Variants in MLIP observed in about 807,000 individuals in gnomAD.
MLIP encodes muscular LMNA interacting protein, also known as muscular LMNA-interacting protein.
MLIP carries 79 observed loss-of-function variants against 84.8 expected under a neutral mutation model. The ratio of observed to expected loss-of-function variants is 0.93; its 90% CI spans 0.78 to 1.12. The LOEUF (loss-of-function observed/expected upper bound fraction) is 1.12. Ranked by LOEUF, MLIP falls within the 50% of genes most tolerant of loss-of-function variation. The pLI is 0.00. For synonymous variants in MLIP, 504 were observed against 463.0 expected (o/e 1.09, Z -1.14); for missense variants, 1,257 against 1,160.6 (o/e 1.08, Z -1.21).
In MLIP at chr6:54,140,232, T is replaced by C. The variant is rs185798040; in HGVS notation, c.2217+1946T>C. Among the ~76,000 whole-genome samples, 9 of 152,296 alleles carry C rather than the reference T, an allele frequency of 5.9e-5. No homozygotes were observed. The East Asian group carries it at 1.7e-3, about 29-fold the overall frequency. Reference sequence around the variant, plus strand: ...TAGAAGCTTTTTCAAAGCATTTCTATGTGTGTTTCACCACACTTTATGTTT... The same window carrying C: ...TAGAAGCTTTTTCAAAGCATTTCTACGTGTGTTTCACCACACTTTATGTTT... On this transcript the variant is annotated intron_variant, in intron 4 of 13. Coordinates refer to ENST00000502396, the MANE Select transcript of MLIP (RefSeq NM_001281747.2).
chr6:54,144,853 C>T (rs2150508371), intron 4 of MLIP, among the ~76,000 whole-genome samples: 1 of 152,268 alleles, frequency 6.6e-6, no homozygotes, highest in Admixed American at 6.5e-5. Context: ...ACATCAGCAA[C>T]AGGATATATG....
chr6:54,056,822 A>G (rs1207726699), intron 1 of MLIP, among the ~76,000 whole-genome samples: 2 of 152,216 alleles, frequency 1.3e-5, no homozygotes, highest in African/African-American at 4.8e-5. Context: ...TTTTCTTAGT[A>G]GTTCATAATA....
intron 11 of MLIP, chr6:54,217,159 A>G (rs1002510199): frequency 1.0e-5 from 10 of 985,430 alleles, no homozygotes; most frequent in Non-Finnish European, 1.1e-5. Context: ...CTCTGAGTTC[A>G]CAAAGGTGTC....
chr6:54,083,852 T>C (rs1054527596), intron 1 of MLIP, among the ~76,000 whole-genome samples: 14 of 152,188 alleles, frequency 9.2e-5, no homozygotes, highest in Non-Finnish European at 1.8e-4. Context: ...TACTATAACT[T>C]TATATAATGG....
chr6:54,219,063 G>A (rs895167797), intron 11 of MLIP, among the ~76,000 whole-genome samples: 8 of 151,374 alleles, frequency 5.3e-5, no homozygotes, highest in South Asian at 2.1e-4. Context: ...AAAATTAGCC[G>A]GGCATGGTGG....
chr6:54,222,503 A>T (rs535069318), intron 11 of MLIP, among the ~76,000 whole-genome samples: 1 of 152,234 alleles, frequency 6.6e-6, no homozygotes, highest in East Asian at 1.9e-4. Context: ...TTCACTTAAC[A>T]TAATGTCCTC....
At chr6:54,141,010 T>C (rs1772248266) in intron 4 of MLIP, among the ~76,000 whole-genome samples, 1 of 152,146 alleles carries the variant, frequency 6.6e-6, no homozygotes, top group Admixed American at 6.6e-5. Flanking sequence ...ACAGGGATCA[T>C]AGAATACAGA....
At chr6:54,232,068 G>A (rs774391044) in intron 12 of MLIP, among the ~76,000 whole-genome samples, 8 of 151,866 alleles carry the variant, frequency 5.3e-5, no homozygotes, top group Non-Finnish European at 8.8e-5. Context: ...ACCTTTGTTT[G>A]TGTCCCATTC....
chr6:54,240,502 T>C (rs921091541), intron 12 of MLIP, among the ~76,000 whole-genome samples: 1 of 152,218 alleles, frequency 6.6e-6, no homozygotes, highest in African/African-American at 2.4e-5. Flanking sequence ...GTTGCAGTGT[T>C]ATTTTGTGTG....
chr6:54,097,994 G>A (rs890687211), intron 1 of MLIP, among the ~76,000 whole-genome samples: 1 of 152,180 alleles, frequency 6.6e-6, no homozygotes. Context: ...TCAGGAGAGA[G>A]CACAGACCTG....
At chr6:54,228,967 CAG>C (rs1339358957) in intron 11 of MLIP, among the ~76,000 whole-genome samples, 1 of 152,200 alleles carries the variant, frequency 6.6e-6, no homozygotes, top group Non-Finnish European at 1.5e-5. Context: ...AATTATAAGT[CAG>C]AATCATCTTT....
chr6:54,111,188 A>G (rs1300726793), upstream of MLIP, among the ~76,000 whole-genome samples: 6 of 152,244 alleles, frequency 3.9e-5, no homozygotes, highest in Non-Finnish European at 8.8e-5. Flanking sequence ...CATGAAAAGA[A>G]AAGAGGGAAA....
intron 13 of MLIP, among the ~76,000 whole-genome samples, chr6:54,265,685 G>C (rs918721069): frequency 6.6e-6 from 1 of 152,020 alleles, no homozygotes; most frequent in African/African-American, 2.4e-5. Flanking sequence ...AACCATCATG[G>C]CACTTTGTAG....
rs1582572248 is a variant in MLIP, at chr6:54,231,016, T to C, written c.2922+99T>C. ...ATGTGGAGGAAACATGTGTTAGGAA[T>C]ATTTAAATATTAAATATCTAAATGT... On this transcript the variant is annotated intron_variant, in intron 12 of 13. Transcript: ENST00000502396. 9 of 883,042 alleles carry C rather than the reference T, an allele frequency of 1.0e-5. No individual in the cohort carries two copies. In the East Asian group the frequency reaches 2.4e-4, roughly 23 times the overall value. The allele number at this position is 883,042 out of a possible 1,614,324, so 54.7% of individuals were successfully genotyped here.
In MLIP at chr6:54,219,825, G is replaced by T. The variant is rs544480040; in HGVS notation, c.2719-10889G>T. Among the ~76,000 whole-genome samples the T allele has an allele frequency of 3.3e-5, 5 of 152,260 alleles. No individual in the cohort carries two copies. The South Asian group carries it at 1.0e-3, about 32-fold the overall frequency. On this transcript the variant is annotated intron_variant, in intron 11 of 13. Transcript: ENST00000502396. ...CAGGCCTTTCTAACTTGGGGTGATG[G>T]ACAGTGAGCCCTCAGTTGGCCATTC...
At chr6:54,030,700 C>A (rs1316708997) in intron 1 of MLIP, 1 of 151,504 alleles carries the variant, frequency 6.6e-6, no homozygotes, top group Non-Finnish European at 1.5e-5. Context: ...AATTTTTTTA[C>A]TTAAGAATTT....
chr6:54,108,696 G>T (rs1315255721), upstream of MLIP, among the ~76,000 whole-genome samples: 2 of 152,134 alleles, frequency 1.3e-5, no homozygotes, highest in Non-Finnish European at 1.5e-5. Flanking sequence ...ATAATAAATT[G>T]GTTTTCATGT....
At position 54,083,361 on chromosome 6, in the gene MLIP, T is replaced by G. The variant is rs189311232; in HGVS notation, c.64-38086T>G. On this transcript the variant is annotated intron_variant, in intron 1 of 12. Coordinates refer to the MLIP transcript ENST00000274897. ...ATAGGTTAATATATTCAGATGGGATTGAAATAACAGATGCATTGCTATTTC... is the reference window on the plus strand; with the variant it reads ...ATAGGTTAATATATTCAGATGGGATGGAAATAACAGATGCATTGCTATTTC... 9.4e-4 allele frequency: 915 copies of G among 975,020 alleles called. 1 individual carries two copies. The highest frequency in any genetic ancestry group is 2.2e-3 in the South Asian group (133 of 59,192). 60.4% of individuals were successfully genotyped at this position (975,020 alleles called of 1,614,324 possible).
At chr6:54,210,147 G>A (rs62397395) in intron 11 of MLIP, among the ~76,000 whole-genome samples, 2 of 126,550 alleles carry the variant, frequency 1.6e-5, no homozygotes, top group South Asian at 3.1e-4. Context: ...TCACCGCACC[G>A]CACCGCACCG....
Sources: allele counts gnomAD v4.1 joint callset (sites outside exome capture counted in the v4.1 genomes callset), GRCh38; gene constraint gnomAD v4.1.1; transcripts MANE v1.5; gene names NCBI Gene and HGNC (gene_info 2026-07-23, HGNC 2026-07-21).